ARHGEF33: variants seen among roughly 807,000 people sequenced by gnomAD.
ARHGEF33 encodes DH and coiled-coil domain-containing protein ENSP00000381780.
ARHGEF33 carries 72 observed loss-of-function variants against 101.9 expected under a neutral mutation model. The ratio of observed to expected loss-of-function variants is 0.71; its 90% CI spans 0.58 to 0.86. The LOEUF (loss-of-function observed/expected upper bound fraction) is 0.86, where lower values mean the gene tolerates loss of function less well. Ranked by LOEUF, ARHGEF33 falls within the 40% of genes least tolerant of loss-of-function variation. The pLI is 0.00. For missense variants in ARHGEF33, 1,169 were observed against 1,111.3 expected (o/e 1.05, Z -0.74); for synonymous variants, 499 against 442.5 (o/e 1.13, Z -1.60).
At chr2:38,959,634 C>G (rs1322183500) in intron 15 of ARHGEF33, 7 of 544,766 alleles carry the variant, frequency 1.3e-5, no homozygotes. Flanking sequence ...CAGACAATAC[C>G]TTCGGGCCTC....
chr2:38,953,827 C>T (rs910553332), intron 12 of ARHGEF33, among the ~76,000 whole-genome samples: 5 of 152,244 alleles, frequency 3.3e-5, no homozygotes, highest in African/African-American at 1.2e-4. Flanking sequence ...CAACCCCCCA[C>T]TACTCCCAAC....
Position 38,943,929 on chromosome 2 carries a change from G to C in ARHGEF33, c.819G>C (p.Leu273=). ...AAAGACAGACTGTGGCCCTGGAACT[G>C]CTTGAATCTGAAAGAAAATATGTCA... ...AAKRQTVALE[L]LESERKYVIN... is the part of the protein sequence containing the mutation. The change falls in exon 10 of 18, where the codon CTG becomes CTC. Residue 273 remains leucine, a synonymous_variant. Transcript: ENST00000409978. 6.4e-7 allele frequency: 1 copy of C among 1,551,892 alleles called. No individual in the cohort carries two copies.
chr2:38,967,074 T>A (rs1668065778), intron 17 of ARHGEF33, among the ~76,000 whole-genome samples: 2 of 152,254 alleles, frequency 1.3e-5, no homozygotes, highest in South Asian at 4.1e-4. Flanking sequence ...GCATTATTGC[T>A]GCCTTTGGAG....
At chr2:38,943,809 TC>T (rs2124402082) in intron 9 of ARHGEF33, 91 bp from the exon 10 acceptor site, 3 of 1,313,770 alleles carry the variant, frequency 2.3e-6, no homozygotes, top group South Asian at 2.8e-5. Flanking sequence ...TTTATTGCTT[TC>T]AATATCCTTT....
At chr2:38,894,418 T>TG (rs757103827) in intron 1 of ARHGEF33, among the ~76,000 whole-genome samples, 521 of 25,600 alleles carry the variant, frequency 0.02, 4 homozygotes, top group South Asian at 0.11. Context: ...CTGTATATGC[T>TG]GGGGGAAAAA....
intron 14 of ARHGEF33, 54 bp downstream of exon 14, chr2:38,957,101 C>G: frequency 2.0e-6 from 3 of 1,536,334 alleles, no homozygotes; most frequent in African/African-American, 1.4e-5. Flanking sequence ...CTATGGGTGT[C>G]TTTCACAAGT....
At chr2:38,906,722 AT>A (rs1271689578) in intron 2 of ARHGEF33, among the ~76,000 whole-genome samples, 2 of 147,184 alleles carry the variant, frequency 1.4e-5, no homozygotes, top group African/African-American at 2.5e-5. Context: ...TAATCCCAGG[AT>A]TTTGGGAGGC....
At chr2:38,956,462 C>T (rs1024985660) in intron 13 of ARHGEF33, among the ~76,000 whole-genome samples, 4 of 152,208 alleles carry the variant, frequency 2.6e-5, no homozygotes, top group African/African-American at 9.7e-5. Context: ...TCCACTACAG[C>T]ACAGCGGGGA....
chr2:38,963,823 C>T (rs6544185), intron 16 of ARHGEF33, among the ~76,000 whole-genome samples: 135,230 of 152,168 alleles, frequency 0.89, 60,406 homozygotes, highest in Non-Finnish European at 0.93. Context: ...TGGGCAGAAG[C>T]ATGCCTTAAG....
chr2:38,960,735 G>A, intron 16 of ARHGEF33, 87 bp downstream of exon 16: 1 of 1,094,390 alleles, frequency 9.1e-7, no homozygotes, highest in Non-Finnish European at 1.1e-6. Flanking sequence ...CTAGCGTGGA[G>A]AGGAGCGGGG....
At chr2:38,921,938 C>T (rs931533722) in intron 4 of ARHGEF33, among the ~76,000 whole-genome samples, 1 of 152,066 alleles carries the variant, frequency 6.6e-6, no homozygotes, top group Non-Finnish European at 1.5e-5. Context: ...GGTAACATTG[C>T]AAATGTTCAA....
intron 3 of ARHGEF33, among the ~76,000 whole-genome samples, chr2:38,920,215 A>G (rs1287695978): frequency 6.6e-6 from 1 of 152,060 alleles, no homozygotes; most frequent in African/African-American, 2.4e-5. Context: ...TTCCTCTATA[A>G]ACTGTTTGAT....
At chr2:38,927,331 A>T (rs1666896842) in intron 4 of ARHGEF33, among the ~76,000 whole-genome samples, 1 of 152,230 alleles carries the variant, frequency 6.6e-6, no homozygotes, top group Admixed American at 6.5e-5. Context: ...TTATTCTGAA[A>T]ATGTTCAGAA....
At chr2:38,913,990 A>T (rs537517579) in intron 2 of ARHGEF33, among the ~76,000 whole-genome samples, 32 of 152,208 alleles carry the variant, frequency 2.1e-4, no homozygotes, top group Middle Eastern at 3.2e-3. Flanking sequence ...ATCTAAACTT[A>T]TAGTAAGTAT....
At chr2:38,892,389 G>C (rs765052073) in intron 1 of ARHGEF33, among the ~76,000 whole-genome samples, 2 of 148,626 alleles carry the variant, frequency 1.3e-5, no homozygotes, top group African/African-American at 2.4e-5. Flanking sequence ...AGGTGGGGTG[G>C]GTAGAGATGA....
chr2:38,907,740 C>T (rs1666422542), intron 2 of ARHGEF33, among the ~76,000 whole-genome samples: 1 of 152,154 alleles, frequency 6.6e-6, no homozygotes, highest in Non-Finnish European at 1.5e-5. Context: ...CTTTGTCTTT[C>T]CTTCCTATCA....
chr2:38,912,702 A>G (rs763011181), intron 2 of ARHGEF33, among the ~76,000 whole-genome samples: 4 of 152,226 alleles, frequency 2.6e-5, no homozygotes, highest in Non-Finnish European at 5.9e-5. Context: ...AAATATAATT[A>G]TTGTTGAAAC....
At chr2:38,912,128 C>T (rs1241717978) in intron 2 of ARHGEF33, among the ~76,000 whole-genome samples, 2 of 152,206 alleles carry the variant, frequency 1.3e-5, no homozygotes, top group Admixed American at 6.5e-5. Context: ...TTATTTTCCC[C>T]AGTGTCCGCC....
At chr2:38,950,872 C>A in intron 10 of ARHGEF33, 117 bp from the exon 11 acceptor site, 1 of 923,152 alleles carries the variant, frequency 1.1e-6, no homozygotes, top group Non-Finnish European at 1.6e-6. Context: ...TTAATGCAGG[C>A]CTGTGACTCA....
Sources: gnomAD v4.1 joint callset for allele counts (sites outside exome capture counted in the v4.1 genomes callset) on GRCh38, gnomAD v4.1.1 for gene constraint, MANE v1.5 for transcripts, NCBI Gene and HGNC (gene_info 2026-07-23, HGNC 2026-07-21) for gene names.